The following KCND2 variants were observed in gnomAD, a reference collection of about 807,000 sequenced individuals.
The protein encoded by KCND2 is potassium voltage-gated channel subfamily D member 2.
A neutral mutation model predicts 54.4 loss-of-function variants in KCND2; 16 were observed. That is an observed-to-expected ratio of 0.29 (90% CI 0.20 to 0.45). The LOEUF is 0.45. Among genes scored for constraint, KCND2 ranks in the 20% least tolerant of loss-of-function variants. The pLI is 1.00. For synonymous variants in KCND2, 317 were observed against 310.7 expected, an observed-to-expected ratio of 1.02 and a Z score of -0.21; for missense variants, 486 against 824.2, an observed-to-expected ratio of 0.59 and a Z score of 5.02.
At chr7:120,427,782 T>C (rs1010588153) in intron 1 of KCND2, among the ~76,000 whole-genome samples, 4 of 152,204 alleles carry the variant, frequency 2.6e-5, no homozygotes, top group African/African-American at 7.2e-5. Context: ...TCTCATTCCA[T>C]TGCTGCTGTG....
At chr7:120,624,386 T>C (rs1793139508) in intron 1 of KCND2, among the ~76,000 whole-genome samples, 1 of 152,224 alleles carries the variant, frequency 6.6e-6, no homozygotes. Context: ...CCAGCAAATT[T>C]ATTTATTGCA....
At chr7:120,670,929 A>C (rs1014584263) in intron 1 of KCND2, among the ~76,000 whole-genome samples, 4 of 151,492 alleles carry the variant, frequency 2.6e-5, no homozygotes, top group Admixed American at 6.6e-5. Flanking sequence ...AAAAAAAAAA[A>C]AGAAAGAAAA....
intron 1 of KCND2, among the ~76,000 whole-genome samples, chr7:120,430,773 G>A (rs1455943526): frequency 2.0e-5 from 3 of 152,256 alleles, no homozygotes; most frequent in Admixed American, 6.5e-5. Flanking sequence ...GTGCAGTTAT[G>A]AGTATACAGC....
chr7:120,725,250 T>A (rs1792718963), intron 1 of KCND2, among the ~76,000 whole-genome samples: 3 of 152,172 alleles, frequency 2.0e-5, no homozygotes, highest in Admixed American at 1.3e-4. Flanking sequence ...TATACACAAA[T>A]CTTAATCCTT....
intron 1 of KCND2, among the ~76,000 whole-genome samples, chr7:120,565,494 G>T (rs1405835): frequency 0.69 from 105,045 of 151,944 alleles, 38,733 homozygotes; most frequent in Middle Eastern, 0.88. Context: ...ATAGATAAAA[G>T]TATTAGTTCA....
chr7:120,300,012 G>A (rs1017789827), intron 1 of KCND2, among the ~76,000 whole-genome samples: 1 of 152,162 alleles, frequency 6.6e-6, no homozygotes, highest in African/African-American at 2.4e-5. Context: ...TATATAGCCA[G>A]AGCTCTGCCA....
At chr7:120,457,163 CT>C (rs940429588) in intron 1 of KCND2, among the ~76,000 whole-genome samples, 1 of 152,116 alleles carries the variant, frequency 6.6e-6, no homozygotes, top group Non-Finnish European at 1.5e-5. Flanking sequence ...CCCAGGGAAC[CT>C]TTTTTTCCTC....
chr7:120,487,240 T>TA (rs947281447), intron 1 of KCND2, among the ~76,000 whole-genome samples: 33 of 151,982 alleles, frequency 2.2e-4, no homozygotes, highest in African/African-American at 4.6e-4. Flanking sequence ...GATTTTTTTT[T>TA]AAAAAAAGAG....
At chr7:120,524,151 C>A (rs935786248) in intron 1 of KCND2, among the ~76,000 whole-genome samples, 2 of 151,860 alleles carry the variant, frequency 1.3e-5, no homozygotes, top group East Asian at 3.9e-4. Context: ...AGAAGAATCG[C>A]CGGAACCCGG....
rs1255687285 is a variant in KCND2 at position 120,741,553 on chromosome 7, T to G, written c.1298T>G (p.Ile433Ser). The stretch of plus-strand genomic sequence containing the variant: ...CTATAGAAAGCTAGACTGGCCAGGA[T>G]CCGGGCAGCCAAAAGCGGAAGCGCA... Reference protein sequence around the residue: ...RAQKKARLARIRAAKSGSANA... With the variant: ...RAQKKARLARSRAAKSGSANA... The change falls in exon 3 of 6, where the codon ATC becomes AGC. Residue 433 changes from isoleucine to serine, a missense_variant. Transcript: ENST00000331113. The G allele has an allele frequency of 6.2e-7, 1 of 1,612,904 alleles. No individual in the cohort carries two copies. The highest frequency in any genetic ancestry group is 8.5e-7 in the Non-Finnish European group (1 of 1,179,202).
intron 1 of KCND2, among the ~76,000 whole-genome samples, chr7:120,550,708 C>A (rs1467697976): frequency 6.6e-6 from 1 of 152,136 alleles, no homozygotes; most frequent in Non-Finnish European, 1.5e-5. Flanking sequence ...GCCTTCATAG[C>A]TCCCTGCCTC....
At chr7:120,655,716 C>T (rs1325080787) in intron 1 of KCND2, among the ~76,000 whole-genome samples, 1 of 151,960 alleles carries the variant, frequency 6.6e-6, no homozygotes, top group African/African-American at 2.4e-5. Context: ...TGTGAAAGCA[C>T]CTTTAAAAAA....
At chr7:120,651,543 T>A (rs759905306) in intron 1 of KCND2, among the ~76,000 whole-genome samples, 3 of 152,172 alleles carry the variant, frequency 2.0e-5, no homozygotes. Context: ...GAAAGGGAAT[T>A]CCCTGACATC....
At chr7:120,602,320 T>A (rs1007130355) in intron 1 of KCND2, among the ~76,000 whole-genome samples, 1 of 152,214 alleles carries the variant, frequency 6.6e-6, no homozygotes, top group African/African-American at 2.4e-5. Flanking sequence ...CTCTGTTTTT[T>A]CCACAAGTGC....
At chr7:120,541,292 AGT>A (rs1791976780) in intron 1 of KCND2, among the ~76,000 whole-genome samples, 1 of 152,168 alleles carries the variant, frequency 6.6e-6, no homozygotes, top group Non-Finnish European at 1.5e-5. Flanking sequence ...ATAATAGATC[AGT>A]TATTCCCAAA....
At position 120,748,019 on chromosome 7, in the gene KCND2, C is replaced by A; in HGVS notation, c.*161C>A. 1 of 636,392 alleles carries A rather than the reference C, an allele frequency of 1.6e-6. No homozygotes were observed. The highest frequency in any genetic ancestry group is 2.7e-6 in the Non-Finnish European group (1 of 363,862). 39.4% of individuals were successfully genotyped at this position (636,392 alleles called of 1,614,324 possible). On this transcript the variant is annotated 3_prime_UTR_variant, in exon 6 of 6. Transcript: ENST00000331113. ...TCCAATCTTAAGGATGTGAATAAAA[C>A]CACCAAATGGCATTTCTAGACAGTT...
intron 1 of KCND2, among the ~76,000 whole-genome samples, chr7:120,604,684 AT>A (rs898186282): frequency 6.3e-4 from 96 of 152,048 alleles, no homozygotes; most frequent in African/African-American, 2.3e-3. Context: ...AGTTTGATTT[AT>A]TTTTATTTAT....
At chr7:120,622,683 ACACACACTCTCTCT>A (rs975311345) in intron 1 of KCND2, among the ~76,000 whole-genome samples, 3 of 139,556 alleles carry the variant, frequency 2.1e-5, no homozygotes, top group African/African-American at 8.8e-5. Context: ...ACACACACAC[ACACACACTCTCTCT>A]CTCTCTCTCT....
chr7:120,494,581 T>A (rs1436809999), intron 1 of KCND2, among the ~76,000 whole-genome samples: 1 of 152,170 alleles, frequency 6.6e-6, no homozygotes, highest in Non-Finnish European at 1.5e-5. Flanking sequence ...AATATGTTTA[T>A]GTTTCTAGAA....
Sources: gnomAD v4.1 joint callset for allele counts (sites outside exome capture counted in the v4.1 genomes callset) on GRCh38, gnomAD v4.1.1 for gene constraint, MANE v1.5 for transcripts, NCBI Gene and HGNC (gene_info 2026-07-23, HGNC 2026-07-21) for gene names.